The following PRDM11 variants were observed in gnomAD, a reference collection of about 807,000 sequenced individuals.
PRDM11 encodes PR domain-containing protein 11.
A neutral mutation model predicts 97.8 loss-of-function variants in PRDM11; 20 were observed. The observed-to-expected ratio is 0.20, with a 90% CI of 0.14 to 0.30. PRDM11 has a LOEUF of 0.30. Ranked by LOEUF, PRDM11 falls within the 10% of genes least tolerant of loss-of-function variation. The probability of loss-of-function intolerance (pLI) is 1.00; values close to 1 mark genes in which losing one functional copy is unlikely to be tolerated. For missense variants in PRDM11, 1,139 were observed against 1,555.2 expected (o/e 0.73, Z 4.50); for synonymous variants, 599 against 637.7 (o/e 0.94, Z 0.91).
rs567453160 is a variant in PRDM11, at chr11:45,212,640, C to T, written c.555-6930C>T. ...AAGCCAGAGGCCCTGCCCCATCCCT[C>T]GCCCCAGGCCCAGGCTGCCTGCAGG... On this transcript the variant is annotated intron_variant, in intron 5 of 7. Transcript: ENST00000683152. The T allele has an allele frequency of 1.1e-3, 491 of 456,308 alleles. 6 individuals carry two copies. Among genetic ancestry groups the T allele is most frequent in the South Asian group, 1.3e-3 (81 of 64,522 alleles). The allele number at this position is 456,308 out of a possible 1,614,324, so 28.3% of individuals were successfully genotyped here. A position where few individuals can be genotyped will look rare whatever the true frequency, so the allele number is the denominator to read the frequency against.
intron 1 of PRDM11, among the ~76,000 whole-genome samples, chr11:45,122,774 C>T (rs1024305166): frequency 7.9e-5 from 12 of 152,082 alleles, no homozygotes; most frequent in African/African-American, 2.2e-4. Flanking sequence ...CAAGTCTTTG[C>T]TATTGTGAAT....
intron 4 of PRDM11, among the ~76,000 whole-genome samples, chr11:45,201,696 A>G (rs1186339602): frequency 6.6e-6 from 1 of 152,104 alleles, no homozygotes; most frequent in African/African-American, 2.4e-5. Context: ...GGCTGGGCGC[A>G]GTGGCTCATG....
intron 4 of PRDM11, among the ~76,000 whole-genome samples, chr11:45,184,439 G>A (rs1852629286): frequency 1.3e-5 from 2 of 152,332 alleles, no homozygotes; most frequent in African/African-American, 2.4e-5. Context: ...TCCCCAGGTA[G>A]AGCGTGTGGG....
chr11:45,220,432 T>C (rs1251915416), intron 6 of PRDM11, among the ~76,000 whole-genome samples: 1 of 152,234 alleles, frequency 6.6e-6, no homozygotes, highest in African/African-American at 2.4e-5. Context: ...CCCACCTCCA[T>C]CATCAGAAGT....
At chr11:45,119,619 C>CAAAAAAAAAAAAA (rs56367204) in intron 1 of PRDM11, among the ~76,000 whole-genome samples, 21 of 43,062 alleles carry the variant, frequency 4.9e-4, no homozygotes, top group African/African-American at 2.5e-3. Flanking sequence ...GATTCTGTCT[C>CAAAAAAAAAAAAA]AAAAAAAAAA....
chr11:45,099,450 T>TAAAAAAAAAAAAAAAAA (rs532403075), intron 1 of PRDM11, among the ~76,000 whole-genome samples: 1 of 95,242 alleles, frequency 1.0e-5, no homozygotes, highest in Non-Finnish European at 2.0e-5. Context: ...GACTCCATCT[T>TAAAAAAAAAAAAAAAAA]AAAAAAAAAA....
At chr11:45,152,577 A>G (rs748766568) in intron 1 of PRDM11, among the ~76,000 whole-genome samples, 7 of 152,220 alleles carry the variant, frequency 4.6e-5, no homozygotes, top group South Asian at 2.1e-4. Context: ...AGTATATGCC[A>G]TATGGTAACT....
At chr11:45,189,386 T>C (rs1177912125) in intron 4 of PRDM11, among the ~76,000 whole-genome samples, 2 of 149,380 alleles carry the variant, frequency 1.3e-5, no homozygotes, top group Admixed American at 1.4e-4. Flanking sequence ...TAAAAATGCA[T>C]ACTATAATGA....
At chr11:45,149,506 C>T (rs1422894340) in intron 1 of PRDM11, among the ~76,000 whole-genome samples, 2 of 152,244 alleles carry the variant, frequency 1.3e-5, no homozygotes, top group East Asian at 3.9e-4. Context: ...GTCCTTAGTG[C>T]TTTCCTCTTA....
At chr11:45,162,934 C>T (rs1018651946) in intron 1 of PRDM11, among the ~76,000 whole-genome samples, 2 of 152,260 alleles carry the variant, frequency 1.3e-5, no homozygotes, top group Non-Finnish European at 2.9e-5. Context: ...TCTCACCTTT[C>T]CTTCAGCACT....
At chr11:45,116,511 A>C (rs1852306204) in intron 1 of PRDM11, among the ~76,000 whole-genome samples, 1 of 152,252 alleles carries the variant, frequency 6.6e-6, no homozygotes, top group Non-Finnish European at 1.5e-5. Context: ...TCCTCAGATA[A>C]TTAGATATTA....
At chr11:45,215,941 T>C (rs1158332724) in intron 5 of PRDM11, 9 of 152,620 alleles carry the variant, frequency 5.9e-5, no homozygotes, top group South Asian at 4.1e-4. Flanking sequence ...TCCAGCAAAA[T>C]GGATGCCCTG....
intron 1 of PRDM11, among the ~76,000 whole-genome samples, chr11:45,156,731 G>T (rs989940126): frequency 2.0e-5 from 3 of 152,216 alleles, no homozygotes; most frequent in African/African-American, 7.2e-5. Flanking sequence ...CTTGCTCATG[G>T]ATATGGGGCA....
chr11:45,199,403 A>C (rs535970086), intron 4 of PRDM11, among the ~76,000 whole-genome samples: 77 of 152,266 alleles, frequency 5.1e-4, no homozygotes, highest in Middle Eastern at 3.4e-3. Context: ...CTCTAGATGC[A>C]TGCGCGTTCT....
chr11:45,193,829 C>T (rs936190738), intron 4 of PRDM11, among the ~76,000 whole-genome samples: 1 of 152,148 alleles, frequency 6.6e-6, no homozygotes, highest in African/African-American at 2.4e-5. Flanking sequence ...TGCAGTTTGG[C>T]TGACATAGCT....
At chr11:45,167,759 C>CCACACA (rs34333065) in intron 1 of PRDM11, among the ~76,000 whole-genome samples, 104 of 143,322 alleles carry the variant, frequency 7.3e-4, no homozygotes, top group East Asian at 1.3e-3. Flanking sequence ...TCATTTCACA[C>CCACACA]CACACACACA....
At chr11:45,160,975 G>A (rs1851913742) in intron 1 of PRDM11, among the ~76,000 whole-genome samples, 2 of 152,144 alleles carry the variant, frequency 1.3e-5, no homozygotes, top group Non-Finnish European at 2.9e-5. Context: ...GCATGGCTTT[G>A]TGTGACGTCT....
At chr11:45,094,241 G>C (rs1421394906), upstream of PRDM11, among the ~76,000 whole-genome samples, 1 of 152,232 alleles carries the variant, frequency 6.6e-6, no homozygotes, top group Non-Finnish European at 1.5e-5. Flanking sequence ...TCACAGGGTA[G>C]TGGGTGGCAG....
upstream of PRDM11, among the ~76,000 whole-genome samples, chr11:45,144,834 G>A (rs943416168): frequency 3.9e-5 from 6 of 152,126 alleles, no homozygotes; most frequent in African/African-American, 1.4e-4. Flanking sequence ...CTCTTTTCTC[G>A]GCCGGGCACT....
Sources: allele counts gnomAD v4.1 joint callset (sites outside exome capture counted in the v4.1 genomes callset), GRCh38; gene constraint gnomAD v4.1.1; transcripts MANE v1.5; gene names NCBI Gene and HGNC (gene_info 2026-07-23, HGNC 2026-07-21).